The following CDH12 variants were observed in gnomAD, a reference collection of about 807,000 sequenced individuals.
CDH12 encodes cadherin-12.
A neutral mutation model predicts 74.1 loss-of-function variants in CDH12; 41 were observed. The ratio of observed to expected loss-of-function variants is 0.55; its 90% CI spans 0.43 to 0.72. CDH12 has a LOEUF of 0.72. Ranked by LOEUF, CDH12 falls within the 30% of genes least tolerant of loss-of-function variation. CDH12 has a pLI of 0.00. For synonymous variants in CDH12, 399 were observed against 355.0 expected, an observed-to-expected ratio of 1.12 and a Z score of -1.39; for missense variants, 945 against 977.2, an observed-to-expected ratio of 0.97 and a Z score of 0.44.
At chr5:22,643,674 A>T (rs1469193617) in intron 1 of CDH12, among the ~76,000 whole-genome samples, 2 of 151,092 alleles carry the variant, frequency 1.3e-5, no homozygotes, top group African/African-American at 4.9e-5. Flanking sequence ...GCTTACATAA[A>T]CTTGTAAAAG....
chr5:22,648,313 C>A lies in CDH12; in HGVS notation c.-522-142949G>T, dbSNP rs1471354612. On this transcript the variant is annotated intron_variant, in intron 1 of 14. Transcript: ENST00000382254. ...TTTCATAGAGTACAGCCTTGACATC[C>A]TCAAGACCACAGAACAGTATCTACT... Among the ~76,000 whole-genome samples the A allele has an allele frequency of 5.9e-5, 9 of 151,982 alleles. No homozygotes were observed. The East Asian group carries it at 1.7e-3, about 29-fold the overall frequency.
chr5:22,340,077 T>C (rs902141833), intron 3 of CDH12, among the ~76,000 whole-genome samples: 31 of 152,230 alleles, frequency 2.0e-4, no homozygotes, highest in Admixed American at 1.8e-3. Flanking sequence ...ATAATTTTTA[T>C]GCTTACATAG....
chr5:21,783,763 C>T (rs1746047182), intron 10 of CDH12, among the ~76,000 whole-genome samples: 1 of 152,122 alleles, frequency 6.6e-6, no homozygotes, highest in South Asian at 2.1e-4. Context: ...AATTCTAAAG[C>T]TGACCATGAG....
At chr5:22,007,404 G>A (rs1400597889) in intron 5 of CDH12, among the ~76,000 whole-genome samples, 1 of 152,036 alleles carries the variant, frequency 6.6e-6, no homozygotes, top group East Asian at 1.9e-4. Context: ...ATTGCACAAT[G>A]TATACATAGT....
At chr5:21,756,819 C>G (rs1744424157) in intron 13 of CDH12, among the ~76,000 whole-genome samples, 1 of 152,100 alleles carries the variant, frequency 6.6e-6, no homozygotes, top group Non-Finnish European at 1.5e-5. Context: ...AAATATGTTA[C>G]TATTTCAATC....
intron 1 of CDH12, among the ~76,000 whole-genome samples, chr5:22,830,594 T>C (rs1424282995): frequency 6.6e-6 from 1 of 151,844 alleles, no homozygotes; most frequent in African/African-American, 2.4e-5. Flanking sequence ...TTTATATAGT[T>C]TTCTTCTGTG....
intron 5 of CDH12, among the ~76,000 whole-genome samples, chr5:22,049,067 C>T (rs1017782490): frequency 6.6e-5 from 10 of 152,070 alleles, no homozygotes; most frequent in Non-Finnish European, 1.0e-4. Context: ...GAGCGACTAG[C>T]ATATAATCTT....
intron 3 of CDH12, among the ~76,000 whole-genome samples, chr5:22,216,200 T>A (rs577991319): frequency 6.6e-6 from 1 of 152,086 alleles, no homozygotes; most frequent in Non-Finnish European, 1.5e-5. Flanking sequence ...TTTCTTCATT[T>A]ACTTAGGTTT....
intron 4 of CDH12, among the ~76,000 whole-genome samples, chr5:22,211,612 A>G (rs1751548070): frequency 6.6e-6 from 1 of 151,960 alleles, no homozygotes; most frequent in Non-Finnish European, 1.5e-5. Flanking sequence ...ATACCTTTCT[A>G]GATATTTTTA....
intron 3 of CDH12, among the ~76,000 whole-genome samples, chr5:22,356,070 G>A (rs1326454920): frequency 2.6e-5 from 4 of 152,050 alleles, no homozygotes; most frequent in African/African-American, 4.8e-5. Flanking sequence ...GCAGTCAGAC[G>A]AACTTTGTCA....
intron 6 of CDH12, among the ~76,000 whole-genome samples, chr5:21,952,344 T>A (rs975055847): frequency 6.6e-6 from 1 of 152,106 alleles, no homozygotes; most frequent in African/African-American, 2.4e-5. Context: ...TCCCACCAGA[T>A]CACAGCCATC....
chr5:22,233,872 G>A (rs892172211), intron 3 of CDH12, among the ~76,000 whole-genome samples: 1 of 152,164 alleles, frequency 6.6e-6, no homozygotes. Context: ...TGCCCACCTT[G>A]ACGTGCCACC....
At chr5:22,354,479 A>G (rs1740481983) in intron 3 of CDH12, among the ~76,000 whole-genome samples, 1 of 152,210 alleles carries the variant, frequency 6.6e-6, no homozygotes, top group East Asian at 1.9e-4. Flanking sequence ...AAGAAGACAC[A>G]CATAAATTAG....
At chr5:22,439,683 T>C (rs1037302510) in intron 2 of CDH12, among the ~76,000 whole-genome samples, 4 of 152,108 alleles carry the variant, frequency 2.6e-5, no homozygotes, top group South Asian at 2.1e-4. Flanking sequence ...ATTGTGTACA[T>C]CAAGGAAGTA....
intron 5 of CDH12, among the ~76,000 whole-genome samples, chr5:22,041,952 G>A (rs1220055876): frequency 1.3e-5 from 2 of 152,124 alleles, no homozygotes; most frequent in African/African-American, 2.4e-5. Flanking sequence ...ATCATGTCAA[G>A]TATTATTTCT....
chr5:22,445,121 A>G (rs1280902313), intron 2 of CDH12, among the ~76,000 whole-genome samples: 1 of 152,096 alleles, frequency 6.6e-6, no homozygotes, highest in East Asian at 1.9e-4. Flanking sequence ...CACACCCCAA[A>G]TACTTTGTGA....
At chr5:22,057,414 C>T (rs944405874) in intron 5 of CDH12, among the ~76,000 whole-genome samples, 14 of 151,808 alleles carry the variant, frequency 9.2e-5, no homozygotes, top group Middle Eastern at 3.4e-3. Flanking sequence ...CATTAAGCAG[C>T]GAAGCAAATT....
Position 21,817,142 on chromosome 5 carries a change from C to A in CDH12, c.815-10G>T. On this transcript the variant is annotated splice_polypyrimidine_tract_variant and intron_variant, in intron 8 of 14. Transcript: ENST00000382254. ...TTCAAGTGGAAGATGCCTGATAAGA[C>A]ATATAAAATTTGAATTGACAGTGGG... The A allele has an allele frequency of 1.3e-6, 2 of 1,586,318 alleles. No individual in the cohort carries two copies. Among genetic ancestry groups the A allele is most frequent in the South Asian group, 2.3e-5 (2 of 87,566 alleles).
intron 3 of CDH12, among the ~76,000 whole-genome samples, chr5:22,330,792 G>A (rs544271109): frequency 6.8e-6 from 1 of 148,044 alleles, no homozygotes; most frequent in East Asian, 2.0e-4. Context: ...AGGGAACTTT[G>A]TCTTCCACTC....
Sources: gnomAD v4.1 joint callset for allele counts (sites outside exome capture counted in the v4.1 genomes callset) on GRCh38, gnomAD v4.1.1 for gene constraint, MANE v1.5 for transcripts, NCBI Gene and HGNC (gene_info 2026-07-23, HGNC 2026-07-21) for gene names.